Variants in B3GALT1 observed in about 807,000 individuals in gnomAD.
B3GALT1 encodes UDP-Gal:betaGlcNAc beta 1,3-galactosyltransferase, polypeptide 1.
A neutral mutation model predicts 23.2 loss-of-function variants in B3GALT1; 10 were observed. The observed-to-expected ratio is 0.43, with a 90% CI of 0.27 to 0.73. B3GALT1 has a LOEUF of 0.73. B3GALT1 is among the 30% of genes least tolerant of loss of function. The pLI is 0.21. For missense variants in B3GALT1, 299 were observed against 405.4 expected (o/e 0.74, Z 2.25); for synonymous variants, 156 against 141.5 (o/e 1.10, Z -0.73).
chr2:167,492,478 C>A (rs909071616), intron 2 of B3GALT1, among the ~76,000 whole-genome samples: 2 of 152,100 alleles, frequency 1.3e-5, no homozygotes, highest in African/African-American at 4.8e-5. Context: ...GTTTTCAACT[C>A]ATTTAGGTAT....
intron 1 of B3GALT1, among the ~76,000 whole-genome samples, chr2:167,461,819 T>G (rs1221864076): frequency 6.6e-6 from 1 of 152,218 alleles, no homozygotes; most frequent in Non-Finnish European, 1.5e-5. Flanking sequence ...ATATTTTATA[T>G]GTAATGTAGA....
intron 1 of B3GALT1, among the ~76,000 whole-genome samples, chr2:167,419,832 T>C (rs1208732266): frequency 1.3e-5 from 2 of 152,182 alleles, no homozygotes; most frequent in Non-Finnish European, 2.9e-5. Context: ...TCAAAACCAG[T>C]GAGTCTCATA....
intron 1 of B3GALT1, among the ~76,000 whole-genome samples, chr2:167,456,129 G>C (rs1476805335): frequency 6.6e-6 from 1 of 152,150 alleles, no homozygotes; most frequent in Non-Finnish European, 1.5e-5. Flanking sequence ...AGACTGTACA[G>C]GAAACATGGC....
chr2:167,831,514 G>A (rs1051645339), intron 4 of B3GALT1, among the ~76,000 whole-genome samples: 2 of 152,150 alleles, frequency 1.3e-5, no homozygotes, highest in African/African-American at 4.8e-5. Context: ...AAGGATTTGA[G>A]GTAAACACTT....
rs372037957 is a variant in B3GALT1 at position 167,834,389 on chromosome 2, G to A, written c.-230+15596G>A. ...TTCCTTATTGTGCATCCTTTGTAAG[G>A]TCATAAAATGAGAAGATGGAGAAAG... On this transcript the variant is annotated intron_variant, in intron 4 of 4. Transcript: ENST00000392690. Among the ~76,000 whole-genome samples the A allele has an allele frequency of 2.0e-5, 3 of 152,282 alleles. No individual in the cohort carries two copies. The East Asian group carries it at 5.8e-4, about 29-fold the overall frequency.
At chr2:167,347,488 C>T (rs1349623113) in intron 1 of B3GALT1, among the ~76,000 whole-genome samples, 1 of 152,112 alleles carries the variant, frequency 6.6e-6, no homozygotes, top group Admixed American at 6.6e-5. Context: ...GATCATCTTT[C>T]CAACTGGTTT....
intron 2 of B3GALT1, among the ~76,000 whole-genome samples, chr2:167,577,876 GAAGTT>G (rs1415070657): frequency 2.6e-5 from 4 of 151,856 alleles, no homozygotes; most frequent in African/African-American, 7.2e-5. Context: ...AAAGTTAAGA[GAAGTT>G]AAGAAAGATG....
chr2:167,417,934 T>A (rs952592854), intron 1 of B3GALT1, among the ~76,000 whole-genome samples: 1 of 152,230 alleles, frequency 6.6e-6, no homozygotes, highest in Non-Finnish European at 1.5e-5. Flanking sequence ...AATATTGCAA[T>A]AGTAGTTCCT....
At chr2:167,566,424 C>T (rs1048832304) in intron 2 of B3GALT1, among the ~76,000 whole-genome samples, 14 of 151,714 alleles carry the variant, frequency 9.2e-5, no homozygotes, top group Admixed American at 1.3e-4. Context: ...ATGGGTGCAG[C>T]ACACCATCAT....
chr2:167,850,543 G>C (rs1317989941), intron 4 of B3GALT1, among the ~76,000 whole-genome samples: 5 of 152,114 alleles, frequency 3.3e-5, no homozygotes, highest in Admixed American at 3.3e-4. Flanking sequence ...TCTACTACTG[G>C]ATATCTACCC....
chr2:167,313,418 A>G (rs1696663195), intron 1 of B3GALT1, among the ~76,000 whole-genome samples: 1 of 152,172 alleles, frequency 6.6e-6, no homozygotes, highest in Non-Finnish European at 1.5e-5. Flanking sequence ...CGAGTAATAG[A>G]ATAGTTTTAA....
chr2:167,423,020 A>G (rs952005349), intron 1 of B3GALT1, among the ~76,000 whole-genome samples: 4 of 152,204 alleles, frequency 2.6e-5, no homozygotes, highest in Non-Finnish European at 5.9e-5. Context: ...GCAAAGGAAT[A>G]TGAAAATTCC....
intron 3 of B3GALT1, chr2:167,714,446 A>T: frequency 6.3e-7 from 1 of 1,587,984 alleles, no homozygotes; most frequent in East Asian, 2.2e-5. Flanking sequence ...ATCCTCCAAC[A>T]AAGTTTGAGG....
At chr2:167,622,423 C>A (rs1480336276) in intron 2 of B3GALT1, among the ~76,000 whole-genome samples, 1 of 152,054 alleles carries the variant, frequency 6.6e-6, no homozygotes, top group Non-Finnish European at 1.5e-5. Flanking sequence ...AGCATGAGGA[C>A]AAAAGGCAAT....
At chr2:167,776,530 C>T (rs1478478981) in intron 3 of B3GALT1, among the ~76,000 whole-genome samples, 2 of 152,176 alleles carry the variant, frequency 1.3e-5, no homozygotes, top group Non-Finnish European at 2.9e-5. Flanking sequence ...CGACCCATGG[C>T]AGGCACTCAA....
intron 1 of B3GALT1, among the ~76,000 whole-genome samples, chr2:167,307,858 A>G (rs1175643789): frequency 3.3e-5 from 5 of 152,032 alleles, no homozygotes; most frequent in African/African-American, 9.7e-5. Flanking sequence ...TCTTGTTACT[A>G]AAAAGACCTT....
chr2:167,660,052 C>G (rs1189995220), intron 3 of B3GALT1, among the ~76,000 whole-genome samples: 1 of 152,024 alleles, frequency 6.6e-6, no homozygotes, highest in African/African-American at 2.4e-5. Context: ...TATCACTGCC[C>G]CAACTCCTCA....
intron 1 of B3GALT1, among the ~76,000 whole-genome samples, chr2:167,467,656 A>G (rs1179809438): frequency 6.6e-6 from 1 of 152,178 alleles, no homozygotes; most frequent in Admixed American, 6.5e-5. Context: ...TCAAAATGCC[A>G]TTTTGTGTAG....
intron 1 of B3GALT1, among the ~76,000 whole-genome samples, chr2:167,418,780 G>A (rs570010679): frequency 4.6e-5 from 7 of 151,446 alleles, no homozygotes; most frequent in South Asian, 4.2e-4. Context: ...CAGGCAGTCC[G>A]CCTGCTTTGG....
Sources: gnomAD v4.1 joint callset for allele counts (sites outside exome capture counted in the v4.1 genomes callset) on GRCh38, gnomAD v4.1.1 for gene constraint, MANE v1.5 for transcripts, NCBI Gene and HGNC (gene_info 2026-07-23, HGNC 2026-07-21) for gene names.